The following AGBL3 variants were observed in gnomAD, a reference collection of about 807,000 sequenced individuals.
The protein encoded by AGBL3 is cytosolic carboxypeptidase 3.
Under a neutral mutation model 94.5 loss-of-function variants are expected in AGBL3, and 68 were observed. That is an observed-to-expected ratio of 0.72 (90% CI 0.59 to 0.88). AGBL3 has a LOEUF of 0.88. Ranked by LOEUF, AGBL3 falls within the 40% of genes least tolerant of loss-of-function variation. The probability of loss-of-function intolerance (pLI) is 0.00; values close to 1 mark genes in which losing one functional copy is unlikely to be tolerated. For synonymous variants in AGBL3, 354 were observed against 370.7 expected (o/e 0.95, Z 0.52); for missense variants, 934 against 1,103.8 (o/e 0.85, Z 2.18).
chr7:135,030,764 CCTGT>C (rs897744419), intron 5 of AGBL3, among the ~76,000 whole-genome samples: 8 of 151,564 alleles, frequency 5.3e-5, no homozygotes, highest in Admixed American at 2.0e-4. Context: ...CATTTTTTTC[CCTGT>C]CTTTCAGTTT....
chr7:135,131,771 A>C (rs1182164122), intron 16 of AGBL3, among the ~76,000 whole-genome samples: 1 of 152,120 alleles, frequency 6.6e-6, no homozygotes, highest in Non-Finnish European at 1.5e-5. Flanking sequence ...GGTTGTTTGA[A>C]CAGATCAATA....
intron 4 of AGBL3, among the ~76,000 whole-genome samples, chr7:135,002,704 C>T (rs577124557): frequency 8.5e-5 from 13 of 152,310 alleles, no homozygotes; most frequent in Non-Finnish European, 1.8e-4. Flanking sequence ...CCTAGGCCAT[C>T]TGAGTGCTGC....
At chr7:134,998,639 T>C (rs377163689) in intron 4 of AGBL3, among the ~76,000 whole-genome samples, 1 of 152,350 alleles carries the variant, frequency 6.6e-6, no homozygotes, top group East Asian at 1.9e-4. Context: ...GGTACAGAAC[T>C]AGTGGGCTAT....
Position 135,034,605 on chromosome 7 carries a change from T to C in AGBL3, c.1014T>C (p.Tyr338=), listed in dbSNP as rs1214665451. The change falls in exon 7 of 17, where the codon TAT becomes TAC. Residue 338 remains tyrosine (Y), a synonymous_variant. Transcript: ENST00000436302. ...LCHTLARNMV[Y]ILTITTPLKN... ...ACACGCTTGCTAGGAACATGGTGTA[T>C]ATTTTAACAATCACTACCCCCTTGA... is the stretch of plus-strand genomic sequence containing the variant. The C allele has an allele frequency of 6.4e-7, 1 of 1,551,606 alleles. No homozygotes were observed. The highest frequency in any genetic ancestry group is 1.2e-5 in the South Asian group (1 of 84,066).
intron 16 of AGBL3, among the ~76,000 whole-genome samples, chr7:135,126,624 T>A (rs1358891276): frequency 6.6e-6 from 1 of 152,192 alleles, no homozygotes; most frequent in East Asian, 1.9e-4. Flanking sequence ...GGTATCACAC[T>A]ACCTAACTTC....
chr7:135,101,194 A>G (rs1413619130), intron 15 of AGBL3: 1 of 456,114 alleles, frequency 2.2e-6, no homozygotes, highest in Non-Finnish European at 4.4e-6. Flanking sequence ...TTGTATGGAA[A>G]CTGTTTCAAA....
intron 15 of AGBL3, chr7:135,101,293 T>C: frequency 2.2e-6 from 1 of 455,364 alleles, no homozygotes; most frequent in Non-Finnish European, 4.4e-6. Flanking sequence ...TACTTGTTTT[T>C]ATTGTTTAAG....
intron 16 of AGBL3, among the ~76,000 whole-genome samples, chr7:135,131,116 T>A (rs1306857365): frequency 6.6e-6 from 1 of 152,034 alleles, no homozygotes; most frequent in Non-Finnish European, 1.5e-5. Context: ...AATTTAAAAA[T>A]CATCTTGTAA....
In AGBL3 at chr7:135,059,180, C is replaced by CT; in HGVS notation, c.1854dup (p.Asp619Ter). Reference sequence around the variant, plus strand: ...TATTTTTTTTGTAGTAGCCGAGGCTCTGACAGTTCAGAATCCATTGACTCT... The same window carrying CT: ...TATTTTTTTTGTAGTAGCCGAGGCTCTTGACAGTTCAGAATCCATTGACTCT... On this transcript the variant is annotated frameshift_variant, in exon 12 of 17. Transcript: ENST00000436302. LOFTEE classifies it high-confidence loss of function. 3 of 1,551,008 alleles carry CT rather than the reference C, an allele frequency of 1.9e-6. No individual in the cohort carries two copies. The highest frequency in any genetic ancestry group is 2.6e-6 in the Non-Finnish European group (3 of 1,146,660).
At chr7:135,092,067 T>C (rs923988188) in intron 15 of AGBL3, among the ~76,000 whole-genome samples, 8 of 152,246 alleles carry the variant, frequency 5.3e-5, no homozygotes, top group African/African-American at 1.9e-4. Flanking sequence ...CTTAAAAGAC[T>C]ATTGTCAATG....
chr7:135,047,087 C>A (rs1362984501), intron 11 of AGBL3, among the ~76,000 whole-genome samples: 1 of 151,976 alleles, frequency 6.6e-6, no homozygotes, highest in Non-Finnish European at 1.5e-5. Flanking sequence ...CTCTAGAAAC[C>A]ACCATTTGAC....
Position 135,017,115 on chromosome 7 carries a change from A to T in AGBL3, c.374A>T (p.Tyr125Phe). ...ACGGGCTTAGAAACGGAACCCCTTTATCCAGACTCCAAGGAAGCTACTGTG... is the reference window on the plus strand; with the variant it reads ...ACGGGCTTAGAAACGGAACCCCTTTTTCCAGACTCCAAGGAAGCTACTGTG... ...IPTGLETEPL[Y>F]PDSKEATVVY... Residue 125 changes from tyrosine to phenylalanine, a missense_variant, in exon 5 of 17, where the codon TAT becomes TTT. By Grantham distance (22) the Tyr-to-Phe change is conservative (BLOSUM62 3). Coordinates refer to ENST00000436302, the MANE Select transcript of AGBL3 (RefSeq NM_178563.4). 5 of 1,551,074 alleles carry T rather than the reference A, an allele frequency of 3.2e-6. No homozygotes were observed. Among genetic ancestry groups the T allele is most frequent in the Non-Finnish European group, 4.4e-6 (5 of 1,146,054 alleles).
intron 16 of AGBL3, among the ~76,000 whole-genome samples, chr7:135,128,288 T>A (rs2117308133): frequency 2.6e-5 from 1 of 38,024 alleles, no homozygotes; most frequent in Non-Finnish European, 4.3e-5. Flanking sequence ...TGAGACTCCA[T>A]CTCAAAAAAA....
rs1202960430 is a variant in AGBL3 at position 135,129,354 on chromosome 7, G to A, written c.2343-5487G>A. The A allele has an allele frequency of 3.0e-6, 3 of 990,736 alleles. No individual in the cohort carries two copies. The South Asian group carries it at 3.8e-5, about 13-fold the overall frequency. 61.4% of individuals were successfully genotyped at this position (990,736 alleles called of 1,614,324 possible). ...AGAGAAATTAATAGACTTACTAAAT[G>A]AATACCTGCAAGCAGATAAGGCCAA... On this transcript the variant is annotated intron_variant, in intron 16 of 16. Transcript: ENST00000436302.
chr7:135,128,185 G>A (rs1236699702), intron 16 of AGBL3, among the ~76,000 whole-genome samples: 4 of 149,210 alleles, frequency 2.7e-5, no homozygotes, highest in African/African-American at 7.4e-5. Flanking sequence ...CCAGCTACTC[G>A]GGAGGCTGCG....
intron 5 of AGBL3, among the ~76,000 whole-genome samples, chr7:135,030,158 TAAAA>T (rs74392929): frequency 1.7e-5 from 2 of 117,420 alleles, no homozygotes; most frequent in African/African-American, 6.1e-5. Context: ...TTTAATTTGT[TAAAA>T]AAAAAAAAAA....
chr7:135,041,608 T>TTAGAAGAAGACA lies in AGBL3; in HGVS notation c.1501-2409_1501-2408insGACATAGAAGAA, dbSNP rs1554502267. On this transcript the variant is annotated intron_variant, in intron 8 of 16. Transcript: ENST00000436302. ...CCTTAAATGTAAAACTGTAAAACTT[T>TTAGAAGAAGACA]TAGAAGAAAATTTTTATGACATGGA... Among the ~76,000 whole-genome samples the TTAGAAGAAGACA allele has an allele frequency of 2.0e-3, 306 of 151,988 alleles. 1 individual carries two copies. Among genetic ancestry groups the TTAGAAGAAGACA allele is most frequent in the African/African-American group, 7.0e-3 (289 of 41,434 alleles).
chr7:135,084,504 C>T (rs1292895637), intron 15 of AGBL3, among the ~76,000 whole-genome samples: 1 of 152,018 alleles, frequency 6.6e-6, no homozygotes, highest in African/African-American at 2.4e-5. Context: ...CCCCTCTATC[C>T]TTCTCTGCTT....
chr7:135,005,453 A>G (rs909190170), intron 4 of AGBL3, among the ~76,000 whole-genome samples: 1 of 151,776 alleles, frequency 6.6e-6, no homozygotes, highest in Non-Finnish European at 1.5e-5. Flanking sequence ...GATGAAGTAA[A>G]TAAAAGAAGA....
Sources: gnomAD v4.1 joint callset for allele counts (sites outside exome capture counted in the v4.1 genomes callset) on GRCh38, gnomAD v4.1.1 for gene constraint, MANE v1.5 for transcripts, NCBI Gene and HGNC (gene_info 2026-07-23, HGNC 2026-07-21) for gene names.